ELAPOR2: variants seen among roughly 807,000 people sequenced by gnomAD.
ELAPOR2 encodes endosome-lysosome associated apoptosis and autophagy regulator family member 2, also known as endosome/lysosome-associated apoptosis and autophagy regulator family member 2.
Under a neutral mutation model 120.7 loss-of-function variants are expected in ELAPOR2, and 89 were observed. The observed-to-expected ratio is 0.74, with a 90% CI of 0.62 to 0.88. ELAPOR2 has a LOEUF of 0.88. Ranked by LOEUF, ELAPOR2 falls within the 40% of genes least tolerant of loss-of-function variation. ELAPOR2 has a pLI of 0.00. For missense variants in ELAPOR2, 1,134 were observed against 1,251.6 expected (o/e 0.91, Z 1.42); for synonymous variants, 444 against 444.9 (o/e 1.00, Z 0.03).
chr7:87,040,448 A>T (rs1422631700), intron 1 of ELAPOR2, among the ~76,000 whole-genome samples: 1 of 152,238 alleles, frequency 6.6e-6, no homozygotes, highest in Non-Finnish European at 1.5e-5. Context: ...TGCCTCCTCA[A>T]GTGGGTCCCT....
intron 2 of ELAPOR2, among the ~76,000 whole-genome samples, chr7:86,962,498 G>A (rs538491620): frequency 6.6e-6 from 1 of 152,224 alleles, no homozygotes; most frequent in African/African-American, 2.4e-5. Context: ...TGAGTTTTAT[G>A]TCCCCCTTAT....
At chr7:86,959,042 G>A (rs1413359271) in intron 2 of ELAPOR2, among the ~76,000 whole-genome samples, 1 of 137,670 alleles carries the variant, frequency 7.3e-6, no homozygotes, top group African/African-American at 2.9e-5. Context: ...CTGTCACCTT[G>A]TTTAAGTTTA....
intron 1 of ELAPOR2, among the ~76,000 whole-genome samples, chr7:87,049,549 T>C (rs1035024614): frequency 4.6e-5 from 7 of 152,178 alleles, no homozygotes; most frequent in African/African-American, 1.7e-4. Flanking sequence ...CCCAAAGTGC[T>C]GGGATTACAG....
intron 8 of ELAPOR2, among the ~76,000 whole-genome samples, chr7:86,927,318 C>G (rs567284882): frequency 1.3e-5 from 2 of 152,090 alleles, no homozygotes; most frequent in African/African-American, 4.8e-5. Flanking sequence ...TCCAACAGCA[C>G]ATTTCATTAT....
chr7:86,942,481 T>G (rs1477454487), intron 4 of ELAPOR2, among the ~76,000 whole-genome samples: 1 of 152,022 alleles, frequency 6.6e-6, no homozygotes, highest in East Asian at 1.9e-4. Context: ...GCAGGCCCAA[T>G]AGTATAAAAA....
At chr7:86,908,323 A>G (rs1562912802) in intron 17 of ELAPOR2, 124 bp downstream of exon 17, 1 of 579,336 alleles carries the variant, frequency 1.7e-6, no homozygotes, top group Non-Finnish European at 3.0e-6. Context: ...CTTCTCTGCC[A>G]TAAGAACTCA....
intron 18 of ELAPOR2, among the ~76,000 whole-genome samples, chr7:86,903,646 T>C (rs896219808): frequency 4.6e-5 from 7 of 152,200 alleles, no homozygotes; most frequent in South Asian, 2.1e-4. Context: ...CCTGGAGTGT[T>C]TGACCCTTGA....
chr7:87,056,011 T>G (rs1308876390), intron 1 of ELAPOR2, among the ~76,000 whole-genome samples: 1 of 152,228 alleles, frequency 6.6e-6, no homozygotes, highest in Admixed American at 6.5e-5. Context: ...TTTACTCTCA[T>G]GTACTTTTCT....
chr7:86,936,690 A>T (rs942153142), intron 8 of ELAPOR2, among the ~76,000 whole-genome samples: 11 of 152,070 alleles, frequency 7.2e-5, no homozygotes, highest in African/African-American at 2.7e-4. Flanking sequence ...GCATACACCC[A>T]TATACATATA....
At chr7:86,947,100 T>A (rs558397563) in intron 3 of ELAPOR2, among the ~76,000 whole-genome samples, 1 of 152,210 alleles carries the variant, frequency 6.6e-6, no homozygotes, top group Admixed American at 6.5e-5. Context: ...TGTCAGGGGG[T>A]AGCCAGAGCC....
chr7:86,960,659 C>A (rs536627542), intron 2 of ELAPOR2, among the ~76,000 whole-genome samples: 1 of 152,260 alleles, frequency 6.6e-6, no homozygotes, highest in Admixed American at 6.5e-5. Context: ...CCCTTTAGAA[C>A]TGTCAATGTC....
At chr7:87,011,038 C>T (rs1051741694) in intron 1 of ELAPOR2, among the ~76,000 whole-genome samples, 1 of 151,782 alleles carries the variant, frequency 6.6e-6, no homozygotes, top group African/African-American at 2.4e-5. Context: ...GAGGCCAAGG[C>T]GGGCGGGTCA....
intron 21 of ELAPOR2, chr7:86,891,479 T>G (rs1254747459): frequency 5.0e-6 from 2 of 403,408 alleles, no homozygotes; most frequent in South Asian, 5.3e-5. Context: ...TTGCATAGTA[T>G]TCTATCACTT....
At chr7:86,972,726 G>A (rs140648177) in intron 1 of ELAPOR2, among the ~76,000 whole-genome samples, 18 of 150,304 alleles carry the variant, frequency 1.2e-4, no homozygotes, top group African/African-American at 2.9e-4. Context: ...TGTCCTTTCC[G>A]CTTGAACCAC....
chr7:87,033,462 T>C (rs974396483), intron 1 of ELAPOR2, among the ~76,000 whole-genome samples: 1 of 152,090 alleles, frequency 6.6e-6, no homozygotes, highest in Non-Finnish European at 1.5e-5. Flanking sequence ...AAAGGTAAAG[T>C]GGTTGGCAGA....
Position 86,925,654 on chromosome 7 carries a change from A to T in ELAPOR2, c.1273T>A (p.Cys425Ser). The change falls in exon 10 of 22, where the codon TGT (cysteine) becomes AGT (serine). Residue 425 changes from cysteine (C) to serine (S), a missense_variant and splice_region_variant. Physicochemically the swap from Cys to Ser is moderately radical, Grantham distance 112 (BLOSUM62 -1). Around this residue, in one of 3 missense-constraint regions of ELAPOR2, gnomAD observed 831 missense variants for 867.6 expected, o/e 0.96. Coordinates refer to ENST00000450689, the MANE Select transcript of ELAPOR2 (RefSeq NM_001142749.3). ...TCCGTTCCTGCTGGACATGGTCTAC[A>T]TTCTACAGGAGACAAGTAGGGTCAA... ...PGTFSDGTKE[C>S]RPCPAGTEPA... 6.2e-7 allele frequency: 1 copy of T among 1,611,456 alleles called. No individual in the cohort carries two copies. The highest frequency in any genetic ancestry group is 8.5e-7 in the Non-Finnish European group (1 of 1,178,226).
chr7:86,940,081 C>T lies in ELAPOR2; in HGVS notation c.776G>A (p.Trp259Ter). The T allele has an allele frequency of 6.2e-7, 1 of 1,612,224 alleles. No individual in the cohort carries two copies. Among genetic ancestry groups the T allele is most frequent in the Non-Finnish European group, 8.5e-7 (1 of 1,178,806 alleles). The change falls in exon 6 of 22, where the codon TGG becomes TAG. Residue 259 changes from tryptophan (W) to a stop codon, truncating the protein, a stop_gained. Transcript: ENST00000450689. LOFTEE classifies it high-confidence loss of function. ...ACCCATAAGGATGCCTGTAGTTCTC[C>T]AGTAGAGTATGTTTGTGCCTGATTT... Reference protein sequence around the residue: ...MLKSGTNILYWRTTGILMGSK... With the variant: ...MLKSGTNILY
At chr7:86,918,085 C>T (rs577525975) in intron 12 of ELAPOR2, among the ~76,000 whole-genome samples, 7 of 151,822 alleles carry the variant, frequency 4.6e-5, no homozygotes, top group East Asian at 3.9e-4. Flanking sequence ...TTTTTCTTTC[C>T]GGATAGTTCA....
At chr7:87,008,887 A>T (rs187148203) in intron 1 of ELAPOR2, among the ~76,000 whole-genome samples, 1 of 152,164 alleles carries the variant, frequency 6.6e-6, no homozygotes, top group African/African-American at 2.4e-5. Context: ...TGAGCTTAAA[A>T]TTTTTTAATG....
Sources: allele counts gnomAD v4.1 joint callset (sites outside exome capture counted in the v4.1 genomes callset), GRCh38; gene constraint gnomAD v4.1.1; regional missense constraint gnomAD v4.1.1; transcripts MANE v1.5; gene names NCBI Gene and HGNC (gene_info 2026-07-23, HGNC 2026-07-21).